Variants in CCDC7 observed in about 807,000 individuals in gnomAD.
The protein encoded by CCDC7 is coiled-coil domain-containing protein 7.
CCDC7 carries 183 observed loss-of-function variants against 196.9 expected under a neutral mutation model. The observed-to-expected ratio is 0.93, with a 90% confidence interval of 0.82 to 1.05. The LOEUF (loss-of-function observed/expected upper bound fraction) is 1.05, where lower values mean the gene tolerates loss of function less well. Ranked by LOEUF, CCDC7 falls within the 50% of genes least tolerant of loss-of-function variation. The pLI is 0.00. For missense variants in CCDC7, 1,540 were observed against 1,482.2 expected (o/e 1.04, Z -0.64); for synonymous variants, 525 against 484.6 (o/e 1.08, Z -1.10).
chr10:32,486,980 T>G (rs1180801421), intron 8 of CCDC7, among the ~76,000 whole-genome samples: 2 of 152,060 alleles, frequency 1.3e-5, no homozygotes, highest in Non-Finnish European at 2.9e-5. Context: ...TTGGAGTTGC[T>G]GTTCTCGAGG....
intron 28 of CCDC7, among the ~76,000 whole-genome samples, chr10:32,731,630 G>A (rs2083981906): frequency 6.6e-6 from 1 of 152,162 alleles, no homozygotes; most frequent in Non-Finnish European, 1.5e-5. Context: ...TAATAAGAGT[G>A]CCTCCACATA....
chr10:32,554,737 A>T (rs2054075921), intron 13 of CCDC7, among the ~76,000 whole-genome samples: 1 of 152,162 alleles, frequency 6.6e-6, no homozygotes, highest in African/African-American at 2.4e-5. Context: ...AAGTTTTTTT[A>T]AAATGTACAA....
intron 30 of CCDC7, among the ~76,000 whole-genome samples, chr10:32,812,972 C>T (rs896274721): frequency 6.6e-6 from 1 of 152,138 alleles, no homozygotes; most frequent in Non-Finnish European, 1.5e-5. Context: ...TCTTATGGAT[C>T]ACTTTTTACT....
At chr10:32,689,283 T>G in intron 23 of CCDC7, 120 bp downstream of exon 24, 1 of 629,390 alleles carries the variant, frequency 1.6e-6, no homozygotes, top group Non-Finnish European at 2.7e-6. Flanking sequence ...CCTACCATAA[T>G]TAAAGAAAAA....
intron 28 of CCDC7, among the ~76,000 whole-genome samples, chr10:32,756,123 A>G (rs2076400441): frequency 6.6e-6 from 1 of 152,266 alleles, no homozygotes. Context: ...GACCAAATCT[A>G]CATCAGATTG....
intron 28 of CCDC7, among the ~76,000 whole-genome samples, chr10:32,747,471 A>G (rs566496519): frequency 1.1e-4 from 17 of 152,334 alleles, no homozygotes; most frequent in African/African-American, 4.1e-4. Flanking sequence ...TATGCATCCA[A>G]CAAAGGTCTA....
At chr10:32,503,507 C>T (rs1490729289) in intron 9 of CCDC7, among the ~76,000 whole-genome samples, 5 of 152,086 alleles carry the variant, frequency 3.3e-5, no homozygotes, top group African/African-American at 1.2e-4. Flanking sequence ...TGAATGATCC[C>T]TTTAATGTAC....
At chr10:32,736,386 T>G (rs555903294) in intron 28 of CCDC7, among the ~76,000 whole-genome samples, 1 of 152,306 alleles carries the variant, frequency 6.6e-6, no homozygotes, top group Non-Finnish European at 1.5e-5. Context: ...TTAATATTTT[T>G]TTAATTTTAG....
downstream of CCDC7, among the ~76,000 whole-genome samples, chr10:32,877,300 C>G (rs1417632648): frequency 6.6e-6 from 1 of 151,922 alleles, no homozygotes; most frequent in African/African-American, 2.4e-5. Context: ...CCCTAGTGAT[C>G]AATTATTCTC....
At position 32,663,016 on chromosome 10, in the gene CCDC7, C is replaced by T. The variant is rs139606252; in HGVS notation, c.2015-1038C>T. Among the ~76,000 whole-genome samples, 177 of 152,248 alleles carry T rather than the reference C, an allele frequency of 1.2e-3. 1 individual carries two copies. The highest frequency in any genetic ancestry group is 4.0e-3 in the African/African-American group (167 of 41,552). ...AAATTAGTCAGAGGCCGAATAGCAG[C>T]CAGCTAAGAAAAGAGAGGTTCTCAT... On this transcript the variant is annotated intron_variant, in intron 20 of 41. Transcript: ENST00000639629.
intron 13 of CCDC7, among the ~76,000 whole-genome samples, chr10:32,557,425 A>G (rs987447979): frequency 2.6e-5 from 4 of 152,044 alleles, no homozygotes; most frequent in African/African-American, 9.7e-5. Flanking sequence ...TATTATTTTA[A>G]AAATATTTTG....
intron 24 of CCDC7, among the ~76,000 whole-genome samples, 160 bp from the exon 26 acceptor site, chr10:32,711,460 T>G (rs1197432783): frequency 6.6e-6 from 1 of 152,166 alleles, no homozygotes; most frequent in Non-Finnish European, 1.5e-5. Flanking sequence ...CATTGAAACT[T>G]TTCTCACCAT....
intron 9 of CCDC7, among the ~76,000 whole-genome samples, chr10:32,504,130 T>G (rs2044499002): frequency 6.9e-6 from 1 of 145,900 alleles, no homozygotes; most frequent in Non-Finnish European, 1.5e-5. Context: ...TTTTTTTTTT[T>G]TTTTTGAGAT....
At chr10:32,530,151 C>T (rs1342151503) in intron 11 of CCDC7, among the ~76,000 whole-genome samples, 2 of 152,126 alleles carry the variant, frequency 1.3e-5, no homozygotes, top group African/African-American at 4.8e-5. Flanking sequence ...TATACCAGTA[C>T]CACGCTATTT....
chr10:32,452,283 A>C (rs538991103), intron 1 of CCDC7, among the ~76,000 whole-genome samples: 1 of 152,232 alleles, frequency 6.6e-6, no homozygotes, highest in African/African-American at 2.4e-5. Flanking sequence ...AAGGAGGTTC[A>C]GTATAAACAA....
At position 32,811,569 on chromosome 10, in the gene CCDC7, A is replaced by G. The variant is rs535985427; in HGVS notation, c.3098-2801A>G. Among the ~76,000 whole-genome samples the G allele has an allele frequency of 8.1e-4, 124 of 152,244 alleles. 1 individual carries two copies. The highest frequency in any genetic ancestry group is 2.7e-3 in the African/African-American group (112 of 41,580). On this transcript the variant is annotated intron_variant, in intron 30 of 41. Coordinates refer to ENST00000639629, the Ensembl canonical transcript of CCDC7. The stretch of plus-strand genomic sequence containing the variant: ...TTAATAACAATGTATTTTGTATTTC[A>G]GAATAGCTAGAGAGAGGTCTAGAAA...
Position 32,656,281 on chromosome 10 carries a change from C to A in CCDC7, c.2015-7773C>A, listed in dbSNP as rs184673061. Among the ~76,000 whole-genome samples, 55 of 152,320 alleles carry A rather than the reference C, an allele frequency of 3.6e-4. No individual in the cohort carries two copies. The East Asian group carries it at 0.01, about 28-fold the overall frequency. On this transcript the variant is annotated intron_variant, in intron 20 of 41. Coordinates refer to ENST00000639629, the Ensembl canonical transcript of CCDC7. ...TTAAATTAGTATGTCAAAGAGATAT[C>A]AGCAATCCTATGTTTATTGCAGCAT...
intron 20 of CCDC7, among the ~76,000 whole-genome samples, chr10:32,642,100 G>C (rs1030733890): frequency 6.6e-6 from 1 of 152,204 alleles, no homozygotes; most frequent in East Asian, 1.9e-4. Context: ...TCGGGTCAGG[G>C]ACCCACTTGA....
At chr10:32,758,390 A>G (rs1471658640) in intron 28 of CCDC7, among the ~76,000 whole-genome samples, 2 of 152,040 alleles carry the variant, frequency 1.3e-5, no homozygotes, top group East Asian at 3.8e-4. Flanking sequence ...CACATCAAAA[A>G]CTTATCCACC....
Sources: gnomAD v4.1 joint callset for allele counts (sites outside exome capture counted in the v4.1 genomes callset) on GRCh38, gnomAD v4.1.1 for gene constraint, MANE v1.5 for transcripts, NCBI Gene and HGNC (gene_info 2026-07-23, HGNC 2026-07-21) for gene names.